Variants in CNTN3 observed in about 807,000 individuals in gnomAD.
CNTN3 encodes the protein contactin-3.
Under a neutral mutation model 119.1 loss-of-function variants are expected in CNTN3, and 60 were observed. The observed-to-expected ratio is 0.50, with a 90% confidence interval of 0.41 to 0.62. CNTN3 has a LOEUF of 0.62. Among genes scored for constraint, CNTN3 ranks in the 20% least tolerant of loss-of-function variants. The pLI, the probability that CNTN3 is intolerant of heterozygous loss-of-function variation, is 0.00. For synonymous variants in CNTN3, 450 were observed against 438.7 expected (o/e 1.03, Z -0.32); for missense variants, 1,101 against 1,242.4 (o/e 0.89, Z 1.71).
chr3:74,362,978 T>C (rs1485785341), intron 10 of CNTN3, among the ~76,000 whole-genome samples: 2 of 152,214 alleles, frequency 1.3e-5, no homozygotes, highest in Non-Finnish European at 2.9e-5. Context: ...AACTTGTTTA[T>C]ATTTGAATAC....
At chr3:74,369,459 G>A in intron 7 of CNTN3, 86 bp from the exon 8 acceptor site, 3 of 1,091,024 alleles carry the variant, frequency 2.7e-6, no homozygotes, top group East Asian at 2.7e-5. Flanking sequence ...TGAACAAGAA[G>A]GCACAGGATT....
Position 74,435,662 on chromosome 3 carries a change from A to AT in CNTN3, c.359-10723dup, listed in dbSNP as rs1374510431. Among the ~76,000 whole-genome samples the AT allele has an allele frequency of 3.3e-5, 5 of 152,234 alleles. No homozygotes were observed. In the East Asian group the frequency reaches 9.7e-4, roughly 29 times the overall value. ...GGCTTTGCTAGACACTGTGATAGAG[A>AT]TTTTCTTGAATTTAACACATTTATT... On this transcript the variant is annotated intron_variant, in intron 4 of 22. Coordinates refer to ENST00000263665, the MANE Select transcript of CNTN3 (RefSeq NM_020872.3).
chr3:74,601,439 A>G (rs1704909331), intron 1 of CNTN3, among the ~76,000 whole-genome samples: 1 of 152,128 alleles, frequency 6.6e-6, no homozygotes, highest in South Asian at 2.1e-4. Flanking sequence ...GAATTTCATT[A>G]TATTTCCCAC....
chr3:74,338,269 T>G (rs1489543282), intron 11 of CNTN3, among the ~76,000 whole-genome samples: 1 of 152,048 alleles, frequency 6.6e-6, no homozygotes, highest in Non-Finnish European at 1.5e-5. Context: ...GAATGAAGGA[T>G]CTCAATCTGT....
intron 5 of CNTN3, among the ~76,000 whole-genome samples, chr3:74,372,386 GTTC>G (rs1486556261): frequency 1.3e-5 from 2 of 152,008 alleles, no homozygotes; most frequent in East Asian, 3.9e-4. Context: ...AGGAACCATT[GTTC>G]TTCTCTTTTA....
chr3:74,452,325 T>G (rs1475197218), intron 4 of CNTN3, among the ~76,000 whole-genome samples: 2 of 121,344 alleles, frequency 1.6e-5, no homozygotes, highest in African/African-American at 6.7e-5. Flanking sequence ...TTGTCTGTTA[T>G]TGGTGTATAA....
At chr3:74,568,340 C>T (rs546282372) in intron 1 of CNTN3, among the ~76,000 whole-genome samples, 2 of 152,312 alleles carry the variant, frequency 1.3e-5, no homozygotes, top group African/African-American at 4.8e-5. Context: ...CTCACTAGTT[C>T]GTCCAAGTGG....
At chr3:74,391,213 T>G (rs113456626) in intron 5 of CNTN3, among the ~76,000 whole-genome samples, 2,479 of 152,254 alleles carry the variant, frequency 0.016, 75 homozygotes, top group African/African-American at 0.057. Flanking sequence ...TGGGAGTTTT[T>G]CAGATTAAAG....
At chr3:74,504,386 A>G (rs1289915428) in intron 2 of CNTN3, among the ~76,000 whole-genome samples, 1 of 152,148 alleles carries the variant, frequency 6.6e-6, no homozygotes, top group Non-Finnish European at 1.5e-5. Context: ...AAGAAAGTAA[A>G]ATCATATGCC....
At chr3:74,515,119 G>A (rs763936345) in intron 2 of CNTN3, among the ~76,000 whole-genome samples, 2 of 151,974 alleles carry the variant, frequency 1.3e-5, no homozygotes, top group African/African-American at 2.4e-5. Context: ...TAGAGGAAGG[G>A]ACCCTCAAGG....
At chr3:74,353,604 A>C (rs1425584887) in intron 11 of CNTN3, among the ~76,000 whole-genome samples, 1 of 151,932 alleles carries the variant, frequency 6.6e-6, no homozygotes, top group Non-Finnish European at 1.5e-5. Context: ...AAAATACAAA[A>C]AATTAGCCGG....
intron 4 of CNTN3, among the ~76,000 whole-genome samples, chr3:74,467,545 T>A (rs1026451330): frequency 1.2e-4 from 18 of 152,156 alleles, no homozygotes; most frequent in Non-Finnish European, 2.4e-4. Context: ...TTACAGAATA[T>A]TTTTAGCATC....
intron 4 of CNTN3, among the ~76,000 whole-genome samples, chr3:74,426,591 G>A (rs1037373714): frequency 6.6e-6 from 1 of 152,146 alleles, no homozygotes; most frequent in Non-Finnish European, 1.5e-5. Flanking sequence ...TATAAATATG[G>A]AGTAAAGTGA....
At chr3:74,420,674 T>C (rs1175645574) in intron 5 of CNTN3, among the ~76,000 whole-genome samples, 1 of 152,206 alleles carries the variant, frequency 6.6e-6, no homozygotes. Flanking sequence ...CAGTGTCACT[T>C]CTGCTGAGGA....
chr3:74,320,581 AT>A (rs1166240447), intron 13 of CNTN3, among the ~76,000 whole-genome samples: 1 of 152,168 alleles, frequency 6.6e-6, no homozygotes, highest in Non-Finnish European at 1.5e-5. Flanking sequence ...TGACGAGTTA[AT>A]GGGTGCAGCA....
At chr3:74,433,050 G>GGGA (rs1203497664) in intron 4 of CNTN3, among the ~76,000 whole-genome samples, 1 of 152,166 alleles carries the variant, frequency 6.6e-6, no homozygotes, top group East Asian at 1.9e-4. Flanking sequence ...GGAAGGAAAG[G>GGGA]GGAGAGATGG....
chr3:74,479,211 A>G (rs1046441918), intron 4 of CNTN3, among the ~76,000 whole-genome samples: 2 of 152,000 alleles, frequency 1.3e-5, no homozygotes, highest in Non-Finnish European at 2.9e-5. Context: ...TAATTAAAGG[A>G]CTCATGTTTT....
chr3:74,589,166 G>A (rs1175378523), intron 1 of CNTN3, among the ~76,000 whole-genome samples: 1 of 151,964 alleles, frequency 6.6e-6, no homozygotes, highest in African/African-American at 2.4e-5. Flanking sequence ...AGAGTGAACA[G>A]GCAACCTACA....
chr3:74,419,797 A>G (rs1701588177), intron 5 of CNTN3, among the ~76,000 whole-genome samples: 1 of 152,194 alleles, frequency 6.6e-6, no homozygotes, highest in African/African-American at 2.4e-5. Context: ...AACTTGATTA[A>G]CCTATGAATT....
Sources: gnomAD v4.1 joint callset for allele counts (sites outside exome capture counted in the v4.1 genomes callset) on GRCh38, gnomAD v4.1.1 for gene constraint, MANE v1.5 for transcripts, NCBI Gene and HGNC (gene_info 2026-07-23, HGNC 2026-07-21) for gene names.